Variants in FER observed in about 807,000 individuals in gnomAD.
The protein encoded by FER is tyrosine-protein kinase Fer.
A neutral mutation model predicts 111.0 loss-of-function variants in FER; 63 were observed. The ratio of observed to expected loss-of-function variants is 0.57; its 90% CI spans 0.46 to 0.70. The LOEUF (loss-of-function observed/expected upper bound fraction) is 0.70, where lower values mean the gene tolerates loss of function less well. FER is among the 30% of genes least tolerant of loss of function. The pLI, the probability that FER is intolerant of heterozygous loss-of-function variation, is 0.00. For missense variants in FER, 914 were observed against 954.0 expected, an observed-to-expected ratio of 0.96 and a Z score of 0.55; for synonymous variants, 327 against 313.9, an observed-to-expected ratio of 1.04 and a Z score of -0.44.
chr5:108,844,904 T>G lies in FER; in HGVS notation c.481+9097T>G, dbSNP rs1417339980. Among the ~76,000 whole-genome samples the G allele has an allele frequency of 1.9e-4, 28 of 148,330 alleles. 1 individual carries two copies. The Admixed American group carries it at 1.9e-3, about 10-fold the overall frequency. ...ATCTACTACAGTTTGTTTATCCATT[T>G]TCCTGTTAATAGGCATTTGGGTTGT... On this transcript the variant is annotated intron_variant, in intron 5 of 19. Coordinates refer to ENST00000281092, the MANE Select transcript of FER (RefSeq NM_005246.4).
intron 16 of FER, among the ~76,000 whole-genome samples, chr5:109,071,692 G>A (rs1775782945): frequency 6.6e-6 from 1 of 151,806 alleles, no homozygotes; most frequent in Admixed American, 6.6e-5. Flanking sequence ...CAAAAAAGTA[G>A]TATATGAGAA....
At chr5:108,990,817 G>A (rs879865632) in intron 13 of FER, among the ~76,000 whole-genome samples, 5 of 151,550 alleles carry the variant, frequency 3.3e-5, no homozygotes, top group Non-Finnish European at 5.9e-5. Context: ...GCAATACAGA[G>A]ATTCTCTACC....
intron 3 of FER, 110 bp downstream of exon 3, chr5:108,798,499 G>A (rs1053310736): frequency 2.3e-6 from 2 of 862,278 alleles, no homozygotes; most frequent in Non-Finnish European, 3.6e-6. Flanking sequence ...CTAAAGCAGT[G>A]ATTCCACAGT....
At chr5:108,898,304 C>T (rs1749448403) in intron 10 of FER, among the ~76,000 whole-genome samples, 2 of 152,040 alleles carry the variant, frequency 1.3e-5, no homozygotes, top group African/African-American at 2.4e-5. Flanking sequence ...AAATGTGACC[C>T]TTAGACTACA....
At chr5:108,889,984 A>G (rs760426170) in intron 9 of FER, among the ~76,000 whole-genome samples, 3 of 152,038 alleles carry the variant, frequency 2.0e-5, no homozygotes, top group African/African-American at 4.8e-5. Flanking sequence ...CAATGGTAGC[A>G]TCTTGTAAAA....
chr5:108,866,090 A>G (rs1378867296), intron 5 of FER, among the ~76,000 whole-genome samples: 3 of 152,362 alleles, frequency 2.0e-5, no homozygotes, highest in East Asian at 1.9e-4. Flanking sequence ...TACTGAGTAT[A>G]TACCAAAAAT....
intron 16 of FER, among the ~76,000 whole-genome samples, chr5:109,050,351 A>C (rs1772613001): frequency 1.3e-5 from 2 of 152,198 alleles, no homozygotes; most frequent in South Asian, 4.1e-4. Flanking sequence ...CCCACACCAC[A>C]AAAATCCATG....
chr5:109,068,839 A>C (rs1208572170), intron 16 of FER, among the ~76,000 whole-genome samples: 1 of 152,226 alleles, frequency 6.6e-6, no homozygotes, highest in Non-Finnish European at 1.5e-5. Flanking sequence ...TGGGCTGAGA[A>C]GTAACATTAT....
At chr5:108,970,566 G>A (rs1388731519) in intron 13 of FER, among the ~76,000 whole-genome samples, 1 of 151,972 alleles carries the variant, frequency 6.6e-6, no homozygotes, top group Non-Finnish European at 1.5e-5. Flanking sequence ...TTGGTTTCTT[G>A]AACCTCAATT....
At chr5:109,024,530 A>G (rs905910747) in intron 13 of FER, among the ~76,000 whole-genome samples, 6 of 152,098 alleles carry the variant, frequency 3.9e-5, no homozygotes, top group African/African-American at 1.4e-4. Flanking sequence ...AGCCCATCTG[A>G]TAGAGACCCC....
chr5:108,808,545 C>A (rs144697329), intron 3 of FER, among the ~76,000 whole-genome samples: 122 of 151,638 alleles, frequency 8.0e-4, no homozygotes, highest in African/African-American at 2.9e-3. Context: ...TTTTTTAATC[C>A]AACTTGCAAC....
intron 16 of FER, among the ~76,000 whole-genome samples, chr5:109,087,026 TAC>T (rs970869271): frequency 1.3e-5 from 2 of 149,264 alleles, no homozygotes; most frequent in Non-Finnish European, 3.0e-5. Context: ...GACTTCATTT[TAC>T]CTGAATTCTC....
intron 17 of FER, among the ~76,000 whole-genome samples, chr5:109,173,763 C>A (rs530218246): frequency 5.4e-5 from 8 of 147,012 alleles, no homozygotes; most frequent in African/African-American, 1.0e-4. Flanking sequence ...ACCTCCCCCC[C>A]CCCCACAAGT....
chr5:108,793,617 G>T (rs1421857578), intron 2 of FER, among the ~76,000 whole-genome samples: 1 of 151,480 alleles, frequency 6.6e-6, no homozygotes, highest in South Asian at 2.1e-4. Context: ...CTCCATAGTG[G>T]TTGTACACAT....
chr5:108,839,819 C>T (rs950697667), intron 5 of FER, among the ~76,000 whole-genome samples: 1 of 151,848 alleles, frequency 6.6e-6, no homozygotes, highest in African/African-American at 2.4e-5. Flanking sequence ...CTTCGTGATC[C>T]GCCTGCCTTC....
At chr5:109,067,467 A>T (rs1433488963) in intron 16 of FER, among the ~76,000 whole-genome samples, 1 of 151,914 alleles carries the variant, frequency 6.6e-6, no homozygotes, top group African/African-American at 2.4e-5. Flanking sequence ...GCAAATGGAG[A>T]CACATGCATA....
At chr5:108,770,713 T>C (rs1426275680) in intron 2 of FER, among the ~76,000 whole-genome samples, 3 of 152,198 alleles carry the variant, frequency 2.0e-5, no homozygotes, top group Admixed American at 6.5e-5. Context: ...CTTAGATGTA[T>C]GTCATACTAA....
chr5:109,069,805 T>C (rs1159029711), intron 16 of FER, among the ~76,000 whole-genome samples: 1 of 152,162 alleles, frequency 6.6e-6, no homozygotes, highest in Non-Finnish European at 1.5e-5. Context: ...TTTTTCTGTT[T>C]GAACTCTAAG....
At chr5:109,053,872 T>C (rs1773246706) in intron 16 of FER, among the ~76,000 whole-genome samples, 1 of 151,956 alleles carries the variant, frequency 6.6e-6, no homozygotes, top group Non-Finnish European at 1.5e-5. Flanking sequence ...TTTGTATTTT[T>C]AGTACTGACG....
Sources: allele counts gnomAD v4.1 joint callset (sites outside exome capture counted in the v4.1 genomes callset), GRCh38; gene constraint gnomAD v4.1.1; transcripts MANE v1.5; gene names NCBI Gene and HGNC (gene_info 2026-07-23, HGNC 2026-07-21).